The following TSGA10 variants were observed in gnomAD, a reference collection of about 807,000 sequenced individuals.
The protein encoded by TSGA10 is testis-specific gene 10 protein.
In TSGA10, 43 loss-of-function variants were observed where a neutral mutation model predicts 96.6. That is an observed-to-expected ratio of 0.44 (90% CI 0.35 to 0.57). TSGA10 has a LOEUF of 0.57. Ranked by LOEUF, TSGA10 falls within the 20% of genes least tolerant of loss-of-function variation. The probability of loss-of-function intolerance (pLI) is 0.01; values close to 1 mark genes in which losing one functional copy is unlikely to be tolerated. For missense variants in TSGA10, 703 were observed against 834.4 expected (o/e 0.84, Z 1.94); for synonymous variants, 229 against 269.9 (o/e 0.85, Z 1.48).
intron 20 of TSGA10, among the ~76,000 whole-genome samples, chr2:99,014,736 C>T (rs571495713): frequency 3.9e-5 from 6 of 152,132 alleles, no homozygotes; most frequent in South Asian, 4.1e-4. Context: ...AATTGATAGA[C>T]CACTAGCGAG....
intron 10 of TSGA10, among the ~76,000 whole-genome samples, chr2:99,089,105 T>A (rs1484016693): frequency 1.3e-5 from 2 of 152,108 alleles, no homozygotes; most frequent in African/African-American, 4.8e-5. Context: ...GAAATGGGGA[T>A]CATCCACCCC....
intron 2 of TSGA10, chr2:99,126,127 GGGCACAAGTGTGTAGGTGA>G (rs2092809899): frequency 6.6e-6 from 1 of 152,394 alleles, no homozygotes; most frequent in African/African-American, 2.4e-5. Context: ...GGCACAAGTG[GGGCACAAGTGTGTAGGTGA>G]GGCACAAGTG....
intron 15 of TSGA10, 121 bp downstream of exon 15, chr2:99,068,767 C>T (rs2085566154): frequency 4.6e-6 from 2 of 431,412 alleles, no homozygotes; most frequent in East Asian, 7.2e-5. Flanking sequence ...ATTGTCAAAA[C>T]TAAAATATAC....
At chr2:99,073,114 C>T in intron 12 of TSGA10, 41 bp from the exon 13 acceptor site, 3 of 1,282,958 alleles carry the variant, frequency 2.3e-6, no homozygotes, top group Non-Finnish European at 3.3e-6. Flanking sequence ...AAATCTTAAG[C>T]TGTTATTTCT....
At chr2:99,026,779 TA>T (rs1209596212) in intron 17 of TSGA10, among the ~76,000 whole-genome samples, 1 of 151,818 alleles carries the variant, frequency 6.6e-6, no homozygotes, top group Non-Finnish European at 1.5e-5. Context: ...CTTAAGGAGG[TA>T]AAGTAAGGCC....
chr2:99,105,341 C>CTTT lies in TSGA10; in HGVS notation c.459+15_459+17dup. The CTTT allele has an allele frequency of 5.8e-5, 84 of 1,460,028 alleles. No homozygotes were observed. The highest frequency in any genetic ancestry group is 2.5e-4 in the South Asian group (20 of 78,660). The allele number at this position is 1,460,028 out of a possible 1,614,324, so 90.4% of individuals were successfully genotyped here. A position where few individuals can be genotyped will look rare whatever the true frequency, so the allele number is the denominator to read the frequency against. On this transcript the variant is annotated intron_variant, in intron 9 of 20. Coordinates refer to ENST00000393483, the MANE Select transcript of TSGA10 (RefSeq NM_025244.4). Reference sequence around the variant, plus strand: ...GTGTTTATAGCCAAAAGAGACTTTTCTTTTTTTTTTTTTTTACATTATGAA... The same window carrying CTTT: ...GTGTTTATAGCCAAAAGAGACTTTTCTTTTTTTTTTTTTTTTTTACATTATGAA...
chr2:99,033,852 A>G (rs926289344), intron 17 of TSGA10, among the ~76,000 whole-genome samples: 12 of 152,134 alleles, frequency 7.9e-5, no homozygotes, highest in African/African-American at 2.9e-4. Flanking sequence ...AAACAAAAAA[A>G]GCCAAACTGG....
chr2:99,142,600 CA>C (rs552711704), intron 1 of TSGA10, among the ~76,000 whole-genome samples: 7 of 151,310 alleles, frequency 4.6e-5, no homozygotes, highest in Non-Finnish European at 8.8e-5. Context: ...AATTAGATAC[CA>C]AAAAAAATTA....
intron 2 of TSGA10, chr2:99,125,565 T>C (rs1356571049): frequency 6.6e-6 from 1 of 152,228 alleles, no homozygotes; most frequent in Non-Finnish European, 1.5e-5. Context: ...TTCTCAAATC[T>C]TCCTGATTCT....
At position 98,998,185 on chromosome 2, in the gene TSGA10, T is replaced by C; in HGVS notation, c.*12A>G. The C allele has an allele frequency of 3.1e-6, 5 of 1,597,582 alleles. No homozygotes were observed. Among genetic ancestry groups the C allele is most frequent in the Non-Finnish European group, 4.3e-6 (5 of 1,174,346 alleles). On this transcript the variant is annotated 3_prime_UTR_variant, in exon 21 of 21. Coordinates refer to ENST00000393483, the MANE Select transcript of TSGA10 (RefSeq NM_025244.4). Reference sequence around the variant, plus strand: ...TGACCTTTCTCAGGGATGTGAAGAATCATTTCAGGTGTCAGAAATCTCTGT... The same window carrying C: ...TGACCTTTCTCAGGGATGTGAAGAACCATTTCAGGTGTCAGAAATCTCTGT...
intron 16 of TSGA10, among the ~76,000 whole-genome samples, chr2:99,041,610 G>C (rs1467469289): frequency 6.6e-6 from 1 of 152,166 alleles, no homozygotes; most frequent in Non-Finnish European, 1.5e-5. Context: ...AAATGGTGCT[G>C]AGATAATTGG....
chr2:99,136,443 T>C (rs2093328942), intron 1 of TSGA10, among the ~76,000 whole-genome samples: 1 of 152,126 alleles, frequency 6.6e-6, no homozygotes, highest in African/African-American at 2.4e-5. Context: ...CACAGCATGA[T>C]TACTGCTACA....
intron 1 of TSGA10, among the ~76,000 whole-genome samples, chr2:99,153,944 A>G (rs992237543): frequency 6.6e-6 from 1 of 152,244 alleles, no homozygotes; most frequent in African/African-American, 2.4e-5. Flanking sequence ...AAGGTTGAAA[A>G]AGGTGACCAC....
At chr2:99,076,349 A>C (rs2086698104) in intron 12 of TSGA10, among the ~76,000 whole-genome samples, 2 of 152,146 alleles carry the variant, frequency 1.3e-5, no homozygotes, top group Non-Finnish European at 2.9e-5. Flanking sequence ...TCATTTCCCT[A>C]TAATCCATCT....
In TSGA10 at chr2:99,108,962, C is replaced by T. The variant is rs529883260; in HGVS notation, c.81G>A (p.Lys27=). The T allele has an allele frequency of 3.1e-6, 5 of 1,592,574 alleles. No individual in the cohort carries two copies. The East Asian group carries it at 9.0e-5, about 29-fold the overall frequency. ...RGANCDVELL[K]TTTRDREELK... Reference sequence around the variant, plus strand: ...GTTCTTCACGATCTCTTGTTGTTGTCTTCAAAAGTTCTACATCACAGTTTG... The same window carrying T: ...GTTCTTCACGATCTCTTGTTGTTGTTTTCAAAAGTTCTACATCACAGTTTG... The change falls in exon 7 of 21, where the codon AAG becomes AAA. Residue 27 remains lysine, a synonymous_variant. Coordinates refer to ENST00000393483, the MANE Select transcript of TSGA10 (RefSeq NM_025244.4).
At chr2:99,032,635 C>T (rs1372091935) in intron 17 of TSGA10, among the ~76,000 whole-genome samples, 1 of 152,182 alleles carries the variant, frequency 6.6e-6, no homozygotes, top group Non-Finnish European at 1.5e-5. Flanking sequence ...CCACTGAGAG[C>T]ATCATTCTTA....
chr2:98,997,988 TAGAA>T lies in TSGA10; in HGVS notation c.*205_*208del, dbSNP rs1216933578. ...TTTACACTCACTATCACTGCATGGA[TAGAA>T]AGAGCCATATACATTTTTGTTTTTA... On this transcript the variant is annotated 3_prime_UTR_variant, in exon 21 of 21. Transcript: ENST00000393483. 6.1e-6 allele frequency: 3 copies of T among 492,754 alleles called. No homozygotes were observed. Among genetic ancestry groups the T allele is most frequent in the East Asian group, 3.3e-5 (1 of 30,544 alleles). 30.5% of individuals were successfully genotyped at this position (492,754 alleles called of 1,614,324 possible).
chr2:99,142,934 C>T (rs1050919620), intron 1 of TSGA10, among the ~76,000 whole-genome samples: 10 of 152,082 alleles, frequency 6.6e-5, no homozygotes, highest in African/African-American at 2.2e-4. Context: ...CTTATGTATG[C>T]CACCTAGACG....
chr2:99,144,580 C>T (rs1386312378), intron 1 of TSGA10, among the ~76,000 whole-genome samples: 4 of 138,774 alleles, frequency 2.9e-5, no homozygotes, highest in African/African-American at 1.1e-4. Flanking sequence ...ACCCGGGAGG[C>T]AGAGGTTGCG....
Sources: allele counts gnomAD v4.1 joint callset (sites outside exome capture counted in the v4.1 genomes callset), GRCh38; gene constraint gnomAD v4.1.1; transcripts MANE v1.5; gene names NCBI Gene and HGNC (gene_info 2026-07-23, HGNC 2026-07-21).